ATP6V1C2: variants seen among roughly 807,000 people sequenced by gnomAD.
ATP6V1C2 encodes the protein ATPase H+ transporting V1 subunit C2.
In ATP6V1C2, 45 loss-of-function variants were observed where a neutral mutation model predicts 56.8. That is an observed-to-expected ratio of 0.79 (90% confidence interval 0.62 to 1.02). The LOEUF (loss-of-function observed/expected upper bound fraction) is 1.02. Among genes scored for constraint, ATP6V1C2 ranks in the 50% least tolerant of loss-of-function variants. The probability of loss-of-function intolerance (pLI) is 0.00; values close to 1 mark genes in which losing one functional copy is unlikely to be tolerated. For missense variants in ATP6V1C2, 463 were observed against 519.7 expected (o/e 0.89, Z 1.06); for synonymous variants, 220 against 201.3 (o/e 1.09, Z -0.79).
chr2:10,767,836 G>T (rs1023275091), intron 5 of ATP6V1C2: 2 of 151,904 alleles, frequency 1.3e-5, no homozygotes, highest in African/African-American at 2.4e-5. Context: ...ATTATTTTAT[G>T]ATTTTATCTT....
chr2:10,724,217 C>T (rs747818217), intron 2 of ATP6V1C2, among the ~76,000 whole-genome samples: 1 of 152,202 alleles, frequency 6.6e-6, no homozygotes, highest in Non-Finnish European at 1.5e-5. Context: ...TTGTAGAAAA[C>T]TGCCATATAC....
At chr2:10,779,271 A>AT (rs1222090880) in intron 12 of ATP6V1C2, among the ~76,000 whole-genome samples, 1 of 150,856 alleles carries the variant, frequency 6.6e-6, no homozygotes, top group Admixed American at 6.6e-5. Flanking sequence ...CGCCCGGCTA[A>AT]TTTTTTTATA....
At chr2:10,768,650 C>G in intron 5 of ATP6V1C2, 69 bp from the exon 6 acceptor site, 1 of 1,254,412 alleles carries the variant, frequency 8.0e-7, no homozygotes, top group Non-Finnish European at 1.2e-6. Context: ...CTGTTGTGGC[C>G]ATTTCAAAAA....
rs938953032 is a variant in ATP6V1C2 at position 10,763,322 on chromosome 2, G to A, written c.284-1009G>A. The stretch of plus-strand genomic sequence containing the variant: ...TGTCTGTGTCCCAGTGAAGGGACAC[G>A]ATCCTCCCTAGGAGGAGCCGGCGCC... On this transcript the variant is annotated intron_variant, in intron 4 of 13. Coordinates refer to ENST00000272238, the MANE Select transcript of ATP6V1C2 (RefSeq NM_001039362.2). This position sits in a 1 kb window ranked among gnomAD's most constrained non-coding sequence, Gnocchi z 4.2. Among the ~76,000 whole-genome samples, 5 of 152,046 alleles carry A rather than the reference G, an allele frequency of 3.3e-5. No individual in the cohort carries two copies. Among genetic ancestry groups the A allele is most frequent in the African/African-American group, 9.7e-5 (4 of 41,398 alleles).
intron 2 of ATP6V1C2, 63 bp downstream of exon 2, chr2:10,723,041 A>G: frequency 6.3e-7 from 1 of 1,582,778 alleles, no homozygotes; most frequent in Non-Finnish European, 8.6e-7. Flanking sequence ...GGAGAGGGAG[A>G]CAGGTTGCTA....
intron 3 of ATP6V1C2, among the ~76,000 whole-genome samples, chr2:10,736,296 G>A (rs11678309): frequency 0.23 from 35,356 of 152,074 alleles, 4,361 homozygotes; most frequent in South Asian, 0.46. Context: ...GACCTGGTAC[G>A]TTTTTAGTAG....
chr2:10,774,089 C>G (rs880540), intron 8 of ATP6V1C2, among the ~76,000 whole-genome samples: 46,588 of 152,174 alleles, frequency 0.31, 7,472 homozygotes, highest in Middle Eastern at 0.42. Context: ...GAGCCTCAGG[C>G]CCTTCATTGT....
Position 10,783,369 on chromosome 2 carries a change from T to C in ATP6V1C2, c.*106T>C, listed in dbSNP as rs1200801761. 2 of 667,872 alleles carry C rather than the reference T, an allele frequency of 3.0e-6. No homozygotes were observed. The highest frequency in any genetic ancestry group is 4.9e-6 in the Non-Finnish European group (2 of 405,940). 41.4% of individuals were successfully genotyped at this position (667,872 alleles called of 1,614,324 possible). The stretch of plus-strand genomic sequence containing the variant: ...ATGTCTTACAGAACTAAGATCTTTT[T>C]CAGAGAAATTGCTCACAAAAGTTAG... On this transcript the variant is annotated 3_prime_UTR_variant, in exon 14 of 14. Coordinates refer to ENST00000272238, the MANE Select transcript of ATP6V1C2 (RefSeq NM_001039362.2).
chr2:10,727,708 G>GA (rs1216592928), intron 3 of ATP6V1C2, among the ~76,000 whole-genome samples: 1 of 152,130 alleles, frequency 6.6e-6, no homozygotes, highest in Non-Finnish European at 1.5e-5. Context: ...AGACCAGCCT[G>GA]GCCAAGACGG....
intron 3 of ATP6V1C2, among the ~76,000 whole-genome samples, chr2:10,748,622 A>AT (rs34028280): frequency 6.6e-6 from 1 of 152,018 alleles, no homozygotes; most frequent in Non-Finnish European, 1.5e-5. Context: ...GTTAATATAA[A>AT]TTTTTTTCCT....
At chr2:10,772,227 G>A (rs1664660947) in intron 7 of ATP6V1C2, among the ~76,000 whole-genome samples, 1 of 152,212 alleles carries the variant, frequency 6.6e-6, no homozygotes, top group African/African-American at 2.4e-5. Context: ...GAAGTCTGGT[G>A]ATTCCCATTG....
rs117957092 is a variant in ATP6V1C2, at chr2:10,779,899, C to T, written c.1061+1230C>T. On this transcript the variant is annotated intron_variant, in intron 12 of 13. Coordinates refer to ENST00000272238, the MANE Select transcript of ATP6V1C2 (RefSeq NM_001039362.2). ...TTTATGAAAGTGGAATCAGAGGAAACGCCTTCGAAGGCCGCTTTTCTGCCC... is the reference window on the plus strand; with the variant it reads ...TTTATGAAAGTGGAATCAGAGGAAATGCCTTCGAAGGCCGCTTTTCTGCCC... Among the ~76,000 whole-genome samples, 146 of 152,200 alleles carry T rather than the reference C, an allele frequency of 9.6e-4. 2 individuals are homozygous for T. The East Asian group carries it at 0.024, about 25-fold the overall frequency.
intron 3 of ATP6V1C2, among the ~76,000 whole-genome samples, chr2:10,730,454 C>T (rs1049670921): frequency 3.3e-5 from 5 of 151,884 alleles, no homozygotes; most frequent in African/African-American, 1.2e-4. Flanking sequence ...GTGCTATGGG[C>T]TAAAAATTGG....
At position 10,750,311 on chromosome 2, in the gene ATP6V1C2, G is replaced by T. The variant is rs569054618; in HGVS notation, c.198-3670G>T. ...GCAGGTGGATTGCTTGAGCTCAGGGGTTTGAGACCAGGCTGGGCAGCATGG... is the reference window on the plus strand; with the variant it reads ...GCAGGTGGATTGCTTGAGCTCAGGGTTTTGAGACCAGGCTGGGCAGCATGG... On this transcript the variant is annotated intron_variant, in intron 3 of 13. Transcript: ENST00000272238. Among the ~76,000 whole-genome samples, 257 of 152,262 alleles carry T rather than the reference G, an allele frequency of 1.7e-3. 2 individuals are homozygous for T. The highest frequency in any genetic ancestry group is 9.5e-3 in the South Asian group (46 of 4,826).
At chr2:10,781,248 G>A (rs1665332182) in intron 12 of ATP6V1C2, among the ~76,000 whole-genome samples, 1 of 152,174 alleles carries the variant, frequency 6.6e-6, no homozygotes, top group African/African-American at 2.4e-5. Context: ...TGCTGGGGGA[G>A]GAGCGCCTTA....
intron 8 of ATP6V1C2, among the ~76,000 whole-genome samples, chr2:10,773,100 C>T (rs541546829): frequency 5.9e-5 from 9 of 152,186 alleles, no homozygotes; most frequent in South Asian, 2.1e-4. Flanking sequence ...CTGTCCATCA[C>T]GGGACACTGC....
At chr2:10,732,839 C>T (rs1167286309) in intron 3 of ATP6V1C2, among the ~76,000 whole-genome samples, 2 of 151,626 alleles carry the variant, frequency 1.3e-5, no homozygotes, top group Non-Finnish European at 2.9e-5. Flanking sequence ...GGCCTGGTGG[C>T]AGGCGCCTGT....
intron 10 of ATP6V1C2, among the ~76,000 whole-genome samples, chr2:10,777,198 T>TA (rs1487539069): frequency 6.6e-6 from 1 of 152,190 alleles, no homozygotes; most frequent in African/African-American, 2.4e-5. Flanking sequence ...AAGGCATCTG[T>TA]GGCTGGGCAT....
chr2:10,774,932 C>T (rs763431074), intron 9 of ATP6V1C2, 46 bp from the exon 10 acceptor site: 11 of 1,611,924 alleles, frequency 6.8e-6, no homozygotes, highest in Middle Eastern at 1.6e-4. Context: ...GTCTCTGCCC[C>T]TCTGGAAAGC....
Sources: gnomAD v4.1 joint callset for allele counts (sites outside exome capture counted in the v4.1 genomes callset) on GRCh38, gnomAD v4.1.1 for gene constraint, Gnocchi (gnomAD v3.1) non-coding constraint, MANE v1.5 for transcripts, NCBI Gene and HGNC (gene_info 2026-07-23, HGNC 2026-07-21) for gene names.